The following YBX1 variants were observed in gnomAD, a reference collection of about 807,000 sequenced individuals.
YBX1 encodes Y-box-binding protein 1.
In YBX1, 3 loss-of-function variants were observed where a neutral mutation model predicts 41.4. The observed-to-expected ratio is 0.07, with a 90% CI of 0.03 to 0.19. YBX1 has a LOEUF of 0.19. Ranked by LOEUF, YBX1 falls within the 10% of genes least tolerant of loss-of-function variation. The probability of loss-of-function intolerance (pLI) is 1.00; values close to 1 mark genes in which losing one functional copy is unlikely to be tolerated. For synonymous variants in YBX1, 133 were observed against 165.8 expected (o/e 0.80, Z 1.52); for missense variants, 274 against 462.8 (o/e 0.59, Z 3.74).
intron 2 of YBX1, among the ~76,000 whole-genome samples, chr1:42,683,930 GT>G (rs1231297568): frequency 6.6e-6 from 1 of 152,096 alleles, no homozygotes; most frequent in Non-Finnish European, 1.5e-5. Flanking sequence ...TTACCGAGAG[GT>G]TGTATTGCCT....
At chr1:42,685,232 A>G (rs929863955) in intron 2 of YBX1, among the ~76,000 whole-genome samples, 1 of 152,188 alleles carries the variant, frequency 6.6e-6, no homozygotes, top group African/African-American at 2.4e-5. Flanking sequence ...ACATTTTTTA[A>G]GTATTTAGTC....
At chr1:42,693,366 T>C in intron 2 of YBX1, 124 bp from the exon 3 acceptor site, 1 of 1,076,852 alleles carries the variant, frequency 9.3e-7, no homozygotes, top group Non-Finnish European at 1.4e-6. Context: ...GGCTTGTGTT[T>C]TTTGATTTTT....
At chr1:42,698,597 A>G (rs537898899) in intron 6 of YBX1, among the ~76,000 whole-genome samples, 3 of 152,192 alleles carry the variant, frequency 2.0e-5, no homozygotes, top group Non-Finnish European at 4.4e-5. Flanking sequence ...TAAAAATAGC[A>G]TAATTTTGTG....
intron 2 of YBX1, among the ~76,000 whole-genome samples, chr1:42,690,192 CAA>C (rs1004707534): frequency 6.6e-6 from 1 of 150,940 alleles, no homozygotes; most frequent in Non-Finnish European, 1.5e-5. Flanking sequence ...GCCTAGGCAA[CAA>C]AGTGAGACTC....
intron 2 of YBX1, 32 bp from the exon 3 acceptor site, chr1:42,693,458 T>C (rs962664014): frequency 6.2e-7 from 1 of 1,612,106 alleles, no homozygotes; most frequent in African/African-American, 1.3e-5. Context: ...TATTTCATTT[T>C]CTAACTTGTT....
At position 42,703,294 on chromosome 1, in the gene YBX1, G is replaced by A. The variant is rs1463730957; in HGVS notation, c.*1345G>A. Among the ~76,000 whole-genome samples, 1 of 152,024 alleles carries A rather than the reference G, an allele frequency of 6.6e-6. No homozygotes were observed. Among genetic ancestry groups the A allele is most frequent in the Non-Finnish European group, 1.5e-5 (1 of 68,032 alleles). ...TGCTTTGTGAAATAGTCATGTAGTT[G>A]ATAGTGACTGCTGCCCCGAAACACT... On this transcript the variant is annotated 3_prime_UTR_variant, in exon 8 of 8. Coordinates refer to ENST00000321358, the MANE Select transcript of YBX1 (RefSeq NM_004559.5).
rs562725917 is a variant in YBX1, at chr1:42,688,752, A to C, written c.231-4738A>C. Among the ~76,000 whole-genome samples, 125 of 152,346 alleles carry C rather than the reference A, an allele frequency of 8.2e-4. 2 individuals carry two copies. Among genetic ancestry groups the C allele is most frequent in the Non-Finnish European group, 1.2e-3 (85 of 68,036 alleles). On this transcript the variant is annotated intron_variant, in intron 2 of 7. Coordinates refer to ENST00000321358, the MANE Select transcript of YBX1 (RefSeq NM_004559.5). ...GTCATGGCATTGTAAGAAAAAGTTCAGTTGCTCGATATGTGCTATAGATGA... is the reference window on the plus strand; with the variant it reads ...GTCATGGCATTGTAAGAAAAAGTTCCGTTGCTCGATATGTGCTATAGATGA...
intron 6 of YBX1, among the ~76,000 whole-genome samples, chr1:42,699,905 GA>G (rs1447498577): frequency 1.3e-5 from 2 of 152,210 alleles, no homozygotes; most frequent in Non-Finnish European, 2.9e-5. Context: ...GCTGGACTGG[GA>G]GGTCAGTCTG....
Position 42,682,513 on chromosome 1 carries a change from C to T in YBX1, c.-53C>T. On this transcript the variant is annotated 5_prime_UTR_variant, in exon 1 of 8. Transcript: ENST00000321358. ...GCCGCCGGCCTAGTTACCATCACAC[C>T]CCGGGAGGAGCCGCAGCTGCCGCAG... is the stretch of plus-strand genomic sequence containing the variant. The T allele has an allele frequency of 2.8e-6, 4 of 1,409,968 alleles. No individual in the cohort carries two copies. In the South Asian group the frequency reaches 4.3e-5, roughly 15 times the overall value. 87.3% of individuals were successfully genotyped at this position (1,409,968 alleles called of 1,614,324 possible). A position where few individuals can be genotyped will look rare whatever the true frequency, so the allele number is the denominator to read the frequency against.
At chr1:42,682,874 C>T (rs972507272) in intron 1 of YBX1, 143 bp downstream of exon 1, 10 of 341,124 alleles carry the variant, frequency 2.9e-5, no homozygotes, top group Admixed American at 1.6e-4. Context: ...CCGTCCCCCC[C>T]TCACTCCCTC....
At chr1:42,694,376 G>A (rs370670411) in intron 3 of YBX1, among the ~76,000 whole-genome samples, 18 of 150,752 alleles carry the variant, frequency 1.2e-4, no homozygotes, top group African/African-American at 4.4e-4. Context: ...TCACAGATAC[G>A]AAATGAGTAG....
chr1:42,687,663 G>A (rs1299093988), intron 2 of YBX1, among the ~76,000 whole-genome samples: 3 of 152,074 alleles, frequency 2.0e-5, no homozygotes, highest in East Asian at 3.8e-4. Flanking sequence ...TTGAAGTGGA[G>A]TCTCTCTGTG....
intron 6 of YBX1, among the ~76,000 whole-genome samples, chr1:42,698,514 G>C (rs1485550430): frequency 6.6e-6 from 1 of 152,186 alleles, no homozygotes; most frequent in Non-Finnish European, 1.5e-5. Context: ...ATGGGTTCCA[G>C]CAGCAGAATC....
Position 42,693,539 on chromosome 1 carries a change from G to T in YBX1, c.264+16G>T. ...TGTACACCAGGTGAGTGCTTGTGTA[G>T]ATATTTGCACTTCTGATTCAAGGAT... On this transcript the variant is annotated intron_variant, in intron 3 of 7. Transcript: ENST00000321358. The T allele has an allele frequency of 6.2e-7, 1 of 1,612,684 alleles. No homozygotes were observed. Among genetic ancestry groups the T allele is most frequent in the Non-Finnish European group, 8.5e-7 (1 of 1,178,948 alleles).
intron 6 of YBX1, among the ~76,000 whole-genome samples, chr1:42,699,601 A>G (rs947110581): frequency 1.3e-5 from 2 of 148,646 alleles, no homozygotes; most frequent in Non-Finnish European, 3.0e-5. Context: ...AGGGGAGAAA[A>G]GGGGAAAATG....
In YBX1 at chr1:42,700,722, G is replaced by C. The variant is rs904448213; in HGVS notation, c.741-59G>C. 1.5e-4 allele frequency: 221 copies of C among 1,481,700 alleles called. 4 individuals carry two copies. In the Middle Eastern group the frequency reaches 1.9e-3, roughly 13 times the overall value. The allele number at this position is 1,481,700 out of a possible 1,614,324, so 91.8% of individuals were successfully genotyped here. A position where few individuals can be genotyped will look rare whatever the true frequency, so the allele number is the denominator to read the frequency against. On this transcript the variant is annotated intron_variant, in intron 6 of 7. Transcript: ENST00000321358. ...AGTTGTGAACCAACTGGTTACACTG[G>C]TGGGTGTGTTGAAGAGAGAAGGTTT...
At position 42,684,768 on chromosome 1, in the gene YBX1, A is replaced by T. The variant is rs574143063; in HGVS notation, c.230+1302A>T. Among the ~76,000 whole-genome samples, 12 of 152,336 alleles carry T rather than the reference A, an allele frequency of 7.9e-5. No homozygotes were observed. The East Asian group carries it at 1.7e-3, about 22-fold the overall frequency. ...ACTAGCAAGAAGGAAGGGAATGCTT[A>T]TATATAATTGGCATACTGATAGCTT... On this transcript the variant is annotated intron_variant, in intron 2 of 7. Coordinates refer to ENST00000321358, the MANE Select transcript of YBX1 (RefSeq NM_004559.5).
rs866897407 is a variant in YBX1, at chr1:42,683,019, C to G, written c.166+288C>G. 24 of 305,962 alleles carry G rather than the reference C, an allele frequency of 7.8e-5. 1 individual carries two copies. In the Middle Eastern group the frequency reaches 5.9e-3, roughly 75 times the overall value. The allele number at this position is 305,962 out of a possible 1,614,324, so 19.0% of individuals were successfully genotyped here. On this transcript the variant is annotated intron_variant, in intron 1 of 7. Coordinates refer to ENST00000321358, the MANE Select transcript of YBX1 (RefSeq NM_004559.5). ...GCGACGGGGTCCCCTCCCCGCCGAC[C>G]GGCCTCGTGCGCTCGGGCCCGCACG...
intron 2 of YBX1, among the ~76,000 whole-genome samples, chr1:42,688,485 A>G (rs1012429357): frequency 1.3e-5 from 2 of 152,234 alleles, no homozygotes; most frequent in Admixed American, 6.5e-5. Flanking sequence ...TAACTGCACG[A>G]CATTCACTGT....
Sources: allele counts gnomAD v4.1 joint callset (sites outside exome capture counted in the v4.1 genomes callset), GRCh38; gene constraint gnomAD v4.1.1; transcripts MANE v1.5; gene names NCBI Gene and HGNC (gene_info 2026-07-23, HGNC 2026-07-21).